NAALADL2: variants seen among roughly 807,000 people sequenced by gnomAD.
The protein encoded by NAALADL2 is N-acetylated alpha-linked acidic dipeptidase like 2.
NAALADL2 carries 76 observed loss-of-function variants against 87.2 expected under a neutral mutation model. The observed-to-expected ratio is 0.87, with a 90% CI of 0.72 to 1.05. The LOEUF is 1.05. Among genes scored for constraint, NAALADL2 ranks in the 50% least tolerant of loss-of-function variants. The probability of loss-of-function intolerance (pLI) is 0.00; values close to 1 mark genes in which losing one functional copy is unlikely to be tolerated. For synonymous variants in NAALADL2, 354 were observed against 331.0 expected (o/e 1.07, Z -0.75); for missense variants, 1,089 against 945.8 (o/e 1.15, Z -1.99).
At chr3:175,381,894 C>G (rs1311638577) in intron 5 of NAALADL2, among the ~76,000 whole-genome samples, 2 of 152,062 alleles carry the variant, frequency 1.3e-5, no homozygotes, top group Non-Finnish European at 2.9e-5. Context: ...GATTTTGATG[C>G]CACCTGTCAG....
intron 5 of NAALADL2, among the ~76,000 whole-genome samples, chr3:175,390,793 C>A (rs1768974580): frequency 6.6e-6 from 1 of 151,980 alleles, no homozygotes; most frequent in Non-Finnish European, 1.5e-5. Flanking sequence ...TGCTAAAGAG[C>A]TTTTTCTATA....
intron 9 of NAALADL2, among the ~76,000 whole-genome samples, chr3:175,541,110 C>A (rs894459557): frequency 1.3e-5 from 2 of 152,214 alleles, no homozygotes; most frequent in Non-Finnish European, 2.9e-5. Flanking sequence ...TACAGACCAA[C>A]CTGACCAATC....
At chr3:175,745,703 G>A (rs1047411447) in intron 12 of NAALADL2, among the ~76,000 whole-genome samples, 1 of 152,074 alleles carries the variant, frequency 6.6e-6, no homozygotes, top group African/African-American at 2.4e-5. Context: ...AGAATGCAAT[G>A]GTACTAGTTT....
intron 1 of NAALADL2, among the ~76,000 whole-genome samples, chr3:174,992,968 G>A (rs1038473906): frequency 6.6e-6 from 1 of 152,050 alleles, no homozygotes; most frequent in African/African-American, 2.4e-5. Flanking sequence ...TCTGGGGCTT[G>A]ATACCTTGTC....
chr3:175,338,557 A>G (rs1186516381), intron 5 of NAALADL2, among the ~76,000 whole-genome samples: 4 of 146,106 alleles, frequency 2.7e-5, no homozygotes, highest in South Asian at 2.3e-4. Context: ...AAGGTTGTCA[A>G]TTTAGGAGCA....
intron 5 of NAALADL2, among the ~76,000 whole-genome samples, chr3:175,422,716 T>C (rs1715914979): frequency 6.6e-6 from 1 of 152,012 alleles, no homozygotes; most frequent in Admixed American, 6.6e-5. Context: ...TACAACACAT[T>C]GCATACATTT....
chr3:175,431,868 A>T (rs191191635), intron 5 of NAALADL2, among the ~76,000 whole-genome samples: 64 of 152,104 alleles, frequency 4.2e-4, no homozygotes, highest in Non-Finnish European at 7.7e-4. Context: ...CTCATCCAGG[A>T]CTGAAACCTT....
intron 11 of NAALADL2, chr3:175,718,415 A>C (rs1400926625): frequency 1.3e-6 from 2 of 1,589,582 alleles, no homozygotes; most frequent in African/African-American, 2.7e-5. Context: ...AATTTTTGTT[A>C]CAAATCTTAA....
intron 3 of NAALADL2, among the ~76,000 whole-genome samples, chr3:174,842,916 C>G (rs747195801): frequency 4.6e-5 from 7 of 151,974 alleles, no homozygotes; most frequent in Non-Finnish European, 8.8e-5. Flanking sequence ...TATGGCTTAT[C>G]TTGTTTCCTT....
chr3:175,608,736 G>T (rs1369324164), intron 10 of NAALADL2, among the ~76,000 whole-genome samples: 1 of 152,086 alleles, frequency 6.6e-6, no homozygotes, highest in Non-Finnish European at 1.5e-5. Flanking sequence ...AAACTATACT[G>T]ATCCTTCATT....
chr3:174,787,434 A>G (rs1477343482), intron 3 of NAALADL2, among the ~76,000 whole-genome samples: 1 of 150,874 alleles, frequency 6.6e-6, no homozygotes, highest in African/African-American at 2.4e-5. Context: ...AGTTGAAACT[A>G]TTAAGACTAC....
chr3:174,879,103 C>T (rs940941195), intron 1 of NAALADL2, among the ~76,000 whole-genome samples: 1 of 152,044 alleles, frequency 6.6e-6, no homozygotes, highest in Non-Finnish European at 1.5e-5. Context: ...CTTAACTAGC[C>T]TTCCAGTGCA....
In NAALADL2 at chr3:175,274,567, T is replaced by C. The variant is rs116504470; in HGVS notation, c.939+18037T>C. ...CTTCTTCCTTTCAGAATGCTCAGCC[T>C]ATCAGAATTAACCAGTGAGAAAAGG... On this transcript the variant is annotated intron_variant, in intron 4 of 13. Coordinates refer to ENST00000454872, the MANE Select transcript of NAALADL2 (RefSeq NM_207015.3). 6.3e-3 allele frequency among the ~76,000 whole-genome samples: 959 copies of C among 152,320 alleles called. 11 individuals carry two copies. The highest frequency in any genetic ancestry group is 0.022 in the African/African-American group (918 of 41,568).
intron 5 of NAALADL2, among the ~76,000 whole-genome samples, chr3:175,356,580 A>AATAATAATAAT (rs1325919598): frequency 1.3e-4 from 15 of 117,430 alleles, no homozygotes; most frequent in Non-Finnish European, 2.4e-4. Context: ...GTGTCAAAAT[A>AATAATAATAAT]ATAATAATAA....
chr3:174,925,879 G>A (rs1359839415), intron 1 of NAALADL2, among the ~76,000 whole-genome samples: 1 of 152,060 alleles, frequency 6.6e-6, no homozygotes, highest in East Asian at 1.9e-4. Context: ...CGAGTTGAGA[G>A]AAGAAGTCTT....
At chr3:174,479,921 A>C (rs558622509) in intron 1 of NAALADL2, among the ~76,000 whole-genome samples, 2 of 152,110 alleles carry the variant, frequency 1.3e-5, no homozygotes, top group African/African-American at 4.8e-5. Flanking sequence ...TTGGGAATCA[A>C]AGAAGTTTAT....
rs1010714708 is a variant in NAALADL2, at chr3:175,447,252, T to A, written c.1114T>A (p.Ser372Thr). 3.1e-6 allele frequency: 5 copies of A among 1,595,598 alleles called. No individual in the cohort carries two copies. Among genetic ancestry groups the A allele is most frequent in the Non-Finnish European group, 3.4e-6 (4 of 1,173,706 alleles). Residue 372 changes from serine (S) to threonine (T), a missense_variant, in exon 6 of 14, where the codon TCA becomes ACA. Coordinates refer to ENST00000454872, the MANE Select transcript of NAALADL2 (RefSeq NM_207015.3). ...AGATGAAAGTTTTAGACAAAGCCGA[T>A]CAAACCTCACCTCTCTATTAGTGCA... ...SVDESFRQSR[S>T]NLTSLLVQPI...
At chr3:175,245,036 A>G (rs1189647113) in intron 3 of NAALADL2, among the ~76,000 whole-genome samples, 2 of 152,084 alleles carry the variant, frequency 1.3e-5, no homozygotes, top group Non-Finnish European at 2.9e-5. Flanking sequence ...TGAAATAATT[A>G]TCTCTTTAAT....
At chr3:175,795,808 CTTAAAAAAATAACTATTTT>C (rs1304757127) in intron 13 of NAALADL2, among the ~76,000 whole-genome samples, 1 of 151,928 alleles carries the variant, frequency 6.6e-6, no homozygotes, top group Admixed American at 6.6e-5. Flanking sequence ...AATCTAATGG[CTTAAAAAAATAACTATTTT>C]TTCTGTTATT....
Sources: allele counts gnomAD v4.1 joint callset (sites outside exome capture counted in the v4.1 genomes callset), GRCh38; gene constraint gnomAD v4.1.1; transcripts MANE v1.5; gene names NCBI Gene and HGNC (gene_info 2026-07-23, HGNC 2026-07-21).